The following CFHR3 variants were observed in gnomAD, a reference collection of about 807,000 sequenced individuals.
The protein encoded by CFHR3 is complement factor H-related protein 3.
A neutral mutation model predicts 36.0 loss-of-function variants in CFHR3; 22 were observed. That is an observed-to-expected ratio of 0.61 (90% CI 0.44 to 0.87). CFHR3 has a LOEUF of 0.87. CFHR3 is among the 40% of genes least tolerant of loss of function. The probability of loss-of-function intolerance (pLI) is 0.00; values close to 1 mark genes in which losing one functional copy is unlikely to be tolerated. For missense variants in CFHR3, 276 were observed against 401.3 expected (o/e 0.69, Z 2.67); for synonymous variants, 97 against 137.4 (o/e 0.71, Z 2.06).
rs576202158 is a variant in CFHR3, at chr1:196,775,407, T to C, written c.58+463T>C. Among the ~76,000 whole-genome samples the C allele has an allele frequency of 4.6e-4, 63 of 137,082 alleles. 6 individuals carry two copies. The highest frequency in any genetic ancestry group is 6.8e-4 in the Non-Finnish European group (44 of 64,382). 89.9% of individuals were successfully genotyped at this position (137,082 alleles called of 152,430 possible). ...ATACATTTTAAATTATGCAGTTTCT[T>C]ATATTTCTATTATAGCTTAAGAAAG... is the stretch of plus-strand genomic sequence containing the variant. On this transcript the variant is annotated intron_variant, in intron 1 of 5. Transcript: ENST00000367425.
intron 4 of CFHR3, chr1:196,789,765 A>G: frequency 2.2e-6 from 3 of 1,362,870 alleles, no homozygotes; most frequent in South Asian, 3.6e-5. Flanking sequence ...TATAGTAAGT[A>G]TTTTATTCAA....
intron 4 of CFHR3, chr1:196,789,220 C>A (rs879376279): frequency 8.0e-6 from 7 of 875,446 alleles, no homozygotes; most frequent in Non-Finnish European, 9.5e-6. Flanking sequence ...GGGTACAATT[C>A]AACTATTTTT....
In CFHR3 at chr1:196,780,038, C is replaced by CAGACTTG. The variant is rs1402411650; in HGVS notation, c.430+66_430+72dup. On this transcript the variant is annotated intron_variant, in intron 3 of 5. Coordinates refer to ENST00000367425, the MANE Select transcript of CFHR3 (RefSeq NM_021023.6). ...TTCTAAGTAACACGGACGACAGTCTCAGACTTGTCTATATTAACTGTGGCA... is the reference window on the plus strand; with the variant it reads ...TTCTAAGTAACACGGACGACAGTCTCAGACTTGAGACTTGTCTATATTAACTGTGGCA... The CAGACTTG allele has an allele frequency of 1.8e-5, 27 of 1,513,068 alleles. 6 individuals are homozygous for CAGACTTG. The highest frequency in any genetic ancestry group is 1.6e-4 in the South Asian group (13 of 79,894). 93.7% of individuals were successfully genotyped at this position (1,513,068 alleles called of 1,614,324 possible). A position where few individuals can be genotyped will look rare whatever the true frequency, so the allele number is the denominator to read the frequency against.
chr1:196,790,738 TAATAAATAAATAAATAAATA>T (rs199831934), intron 5 of CFHR3, among the ~76,000 whole-genome samples: 28,842 of 106,038 alleles, frequency 0.27, 6,938 homozygotes, highest in East Asian at 0.5. Flanking sequence ...AATAAAAAAA[TAATAAATAAATAAATAAATA>T]AATAAATAAA....
At chr1:196,784,195 C>T in intron 3 of CFHR3, among the ~76,000 whole-genome samples, 1 of 136,188 alleles carries the variant, frequency 7.3e-6, no homozygotes, top group Non-Finnish European at 1.6e-5. Context: ...TGTTCTTTTA[C>T]ATTTGCTGAG....
rs1653940607 is a variant in CFHR3, at chr1:196,781,324, G to A, written c.430+1351G>A. ...TCCTTTGGGTATATACCCATTAATG[G>A]GATGGCTGGGTCAAATGGTATTTCT... is the stretch of plus-strand genomic sequence containing the variant. On this transcript the variant is annotated intron_variant, in intron 3 of 5. Transcript: ENST00000367425. Among the ~76,000 whole-genome samples the A allele has an allele frequency of 1.5e-5, 2 of 135,246 alleles. 1 individual carries two copies. Among genetic ancestry groups the A allele is most frequent in the African/African-American group, 6.3e-5 (2 of 31,928 alleles). The allele number at this position is 135,246 out of a possible 152,430, so 88.7% of individuals were successfully genotyped here.
intron 3 of CFHR3, among the ~76,000 whole-genome samples, chr1:196,786,526 G>A (rs577080583): frequency 7.4e-6 from 1 of 135,954 alleles, no homozygotes; most frequent in African/African-American, 3.1e-5. Context: ...CCCTCCCCCA[G>A]CCTCGCTGCC....
chr1:196,787,350 G>A, intron 3 of CFHR3, among the ~76,000 whole-genome samples: 1 of 137,018 alleles, frequency 7.3e-6, no homozygotes, highest in Non-Finnish European at 1.5e-5. Flanking sequence ...GGCTGGAGGA[G>A]ATTAATAGGA....
At chr1:196,778,929 T>C (rs1653836872) in intron 1 of CFHR3, among the ~76,000 whole-genome samples, 1 of 136,334 alleles carries the variant, frequency 7.3e-6, no homozygotes, top group East Asian at 2.0e-4. Flanking sequence ...GTTAGCTGAT[T>C]TGGGATCCAT....
chr1:196,775,601 CT>C (rs2124835388), intron 1 of CFHR3, among the ~76,000 whole-genome samples: 1 of 136,876 alleles, frequency 7.3e-6, no homozygotes, highest in East Asian at 2.0e-4. Flanking sequence ...ACAGAAAATA[CT>C]TTTCATAGCG....
chr1:196,788,953 G>A lies in CFHR3; in HGVS notation c.613+555G>A. On this transcript the variant is annotated intron_variant, in intron 4 of 5. Transcript: ENST00000367425. ...ACAAGTAAAGGAAAAGGGTAAGTGG[G>A]TGGGCTGAATGTTTACAAACCTCAT... The A allele has an allele frequency of 1.5e-6, 2 of 1,356,802 alleles. 1 individual carries two copies. Among genetic ancestry groups the A allele is most frequent in the South Asian group, 3.3e-5 (2 of 59,902 alleles). The allele number at this position is 1,356,802 out of a possible 1,614,324, so 84.0% of individuals were successfully genotyped here.
Position 196,779,927 on chromosome 1 carries a change from A to G in CFHR3, c.384A>G (p.Thr128=). 2.0e-6 allele frequency: 3 copies of G among 1,533,338 alleles called. No homozygotes were observed. Among genetic ancestry groups the G allele is most frequent in the Non-Finnish European group, 1.8e-6 (2 of 1,133,410 alleles). 95.0% of individuals were successfully genotyped at this position (1,533,338 alleles called of 1,614,324 possible). ...YGLPKAQTTV[T]CTEKGWSPTP... Reference sequence around the variant, plus strand: ...TTCCAAAAGCGCAGACCACAGTTACATGTACGGAGAAAGGCTGGTCTCCTA... The same window carrying G: ...TTCCAAAAGCGCAGACCACAGTTACGTGTACGGAGAAAGGCTGGTCTCCTA... Residue 128 remains threonine (T), a synonymous_variant, in exon 3 of 6, where the codon ACA becomes ACG. Coordinates refer to ENST00000367425, the MANE Select transcript of CFHR3 (RefSeq NM_021023.6).
chr1:196,789,755 T>C lies in CFHR3; in HGVS notation c.614-290T>C. On this transcript the variant is annotated intron_variant, in intron 4 of 5. Coordinates refer to ENST00000367425, the MANE Select transcript of CFHR3 (RefSeq NM_021023.6). ...TGGGTAGTCCCATTTCCCAACATGT[T>C]ATAGTAAGTATTTTATTCAAGTATT... 1.4e-6 allele frequency: 2 copies of C among 1,389,842 alleles called. 1 individual carries two copies. Among genetic ancestry groups the C allele is most frequent in the South Asian group, 3.4e-5 (2 of 58,350 alleles). 86.1% of individuals were successfully genotyped at this position (1,389,842 alleles called of 1,614,324 possible).
At position 196,789,917 on chromosome 1, in the gene CFHR3, C is replaced by T. The variant is rs1417802171; in HGVS notation, c.614-128C>T. On this transcript the variant is annotated intron_variant, in intron 4 of 5. Coordinates refer to ENST00000367425, the MANE Select transcript of CFHR3 (RefSeq NM_021023.6). Reference sequence around the variant, plus strand: ...CTTGAGACTTAAAAAGAAAAAACAACGTTGAAAATGCAGATGTCTTCCTAA... The same window carrying T: ...CTTGAGACTTAAAAAGAAAAAACAATGTTGAAAATGCAGATGTCTTCCTAA... 19 of 1,249,008 alleles carry T rather than the reference C, an allele frequency of 1.5e-5. 5 individuals are homozygous for T. The African/African-American group carries it at 1.6e-4, about 11-fold the overall frequency. The allele number at this position is 1,249,008 out of a possible 1,614,324, so 77.4% of individuals were successfully genotyped here.
rs561404090 is a variant in CFHR3 at position 196,775,612 on chromosome 1, G to A, written c.58+668G>A. On this transcript the variant is annotated intron_variant, in intron 1 of 5. Transcript: ENST00000367425. ...ATATACAGAAAATACTTTTCATAGC[G>A]TTATGTCATTGTTCACTGATTTCTC... is the stretch of plus-strand genomic sequence containing the variant. 8.0e-5 allele frequency among the ~76,000 whole-genome samples: 11 copies of A among 136,648 alleles called. 3 individuals carry two copies. The East Asian group carries it at 1.2e-3, about 15-fold the overall frequency. The allele number at this position is 136,648 out of a possible 152,430, so 89.6% of individuals were successfully genotyped here.
At chr1:196,783,066 G>A (rs1481789358) in intron 3 of CFHR3, among the ~76,000 whole-genome samples, 2 of 136,830 alleles carry the variant, frequency 1.5e-5, no homozygotes, top group East Asian at 2.0e-4. Context: ...ATAATCATGT[G>A]GTTTTTGTCT....
intron 3 of CFHR3, among the ~76,000 whole-genome samples, chr1:196,780,588 T>C (rs1453125605): frequency 7.3e-6 from 1 of 136,860 alleles, no homozygotes; most frequent in Non-Finnish European, 1.6e-5. Context: ...TTTGATTTCT[T>C]TTATTTATCT....
chr1:196,785,308 C>G (rs1654150342), intron 3 of CFHR3, among the ~76,000 whole-genome samples: 1 of 133,600 alleles, frequency 7.5e-6, no homozygotes, highest in African/African-American at 3.2e-5. Flanking sequence ...CTAGGAGTAT[C>G]TTTGTGGCGT....
chr1:196,792,834 A>G lies in CFHR3; in HGVS notation c.797-483A>G, dbSNP rs1474984296. On this transcript the variant is annotated intron_variant, in intron 5 of 5. Transcript: ENST00000367425. ...TCATTTTAACAGATGACTATTAGAAAGATTATACCTTTCTACAGTTCTGTT... is the reference window on the plus strand; with the variant it reads ...TCATTTTAACAGATGACTATTAGAAGGATTATACCTTTCTACAGTTCTGTT... Among the ~76,000 whole-genome samples, 2 of 137,328 alleles carry G rather than the reference A, an allele frequency of 1.5e-5. 1 individual carries two copies. Among genetic ancestry groups the G allele is most frequent in the Non-Finnish European group, 3.1e-5 (2 of 64,600 alleles). 90.1% of individuals were successfully genotyped at this position (137,328 alleles called of 152,430 possible). A position where few individuals can be genotyped will look rare whatever the true frequency, so the allele number is the denominator to read the frequency against.
Sources: allele counts gnomAD v4.1 joint callset (sites outside exome capture counted in the v4.1 genomes callset), GRCh38; gene constraint gnomAD v4.1.1; transcripts MANE v1.5; gene names NCBI Gene and HGNC (gene_info 2026-07-23, HGNC 2026-07-21).